The following PRKCH variants were observed in gnomAD, a reference collection of about 807,000 sequenced individuals.
PRKCH encodes the protein protein kinase C eta.
In PRKCH, 28 loss-of-function variants were observed where a neutral mutation model predicts 82.5. That is an observed-to-expected ratio of 0.34 (90% CI 0.25 to 0.47). The LOEUF (loss-of-function observed/expected upper bound fraction) is 0.47. PRKCH is among the 20% of genes least tolerant of loss of function. The pLI is 1.00. For synonymous variants in PRKCH, 322 were observed against 327.4 expected (o/e 0.98, Z 0.18); for missense variants, 705 against 881.8 (o/e 0.80, Z 2.54).
At chr14:61,303,174 C>G (rs2045460882) in intron 1 of PRKCH, 1 of 152,124 alleles carries the variant, frequency 6.6e-6, no homozygotes, top group South Asian at 2.1e-4. Context: ...CTACAGATGT[C>G]TATCACCATG....
chr14:61,495,682 T>C lies in PRKCH; in HGVS notation c.1433+10026T>C, dbSNP rs1020294267. Reference sequence around the variant, plus strand: ...TTCTTTCCGTTAACAAATAATTTTTTTGTTGTTGGGCACTCACTGTGTACC... The same window carrying C: ...TTCTTTCCGTTAACAAATAATTTTTCTGTTGTTGGGCACTCACTGTGTACC... On this transcript the variant is annotated intron_variant, in intron 10 of 13. Coordinates refer to ENST00000332981, the MANE Select transcript of PRKCH (RefSeq NM_006255.5). Among the ~76,000 whole-genome samples, 11 of 152,322 alleles carry C rather than the reference T, an allele frequency of 7.2e-5. No homozygotes were observed. The East Asian group carries it at 2.1e-3, about 29-fold the overall frequency.
At chr14:61,245,937 C>T (rs2044876031) in intron 1 of PRKCH, among the ~76,000 whole-genome samples, 1 of 152,104 alleles carries the variant, frequency 6.6e-6, no homozygotes, top group Non-Finnish European at 1.5e-5. Context: ...CTCAGTCATA[C>T]CCAAACATTA....
At chr14:61,468,522 G>A (rs529200433) in intron 9 of PRKCH, among the ~76,000 whole-genome samples, 4 of 152,182 alleles carry the variant, frequency 2.6e-5, no homozygotes, top group Admixed American at 6.5e-5. Context: ...TGTCCTCTCC[G>A]GCTACCAGGC....
At chr14:61,340,440 C>T (rs966314559) in intron 1 of PRKCH, among the ~76,000 whole-genome samples, 15 of 152,020 alleles carry the variant, frequency 9.9e-5, no homozygotes, top group East Asian at 1.9e-4. Context: ...TTTGTCATGG[C>T]GCATGGTCTC....
chr14:61,188,677 GACCTCCTCACCCCCAGACGTT>G (rs2044386883), intron 1 of PRKCH, among the ~76,000 whole-genome samples: 2 of 105,932 alleles, frequency 1.9e-5, no homozygotes, highest in African/African-American at 3.5e-5. Context: ...CTGCCTCTGG[GACCTCCTCACCCCCAGACGTT>G]GCTGTAGTGT....
At chr14:61,498,979 G>A (rs1314669781) in intron 10 of PRKCH, among the ~76,000 whole-genome samples, 1 of 152,134 alleles carries the variant, frequency 6.6e-6, no homozygotes, top group Admixed American at 6.5e-5. Context: ...CAGCCCTAAG[G>A]AAAACAGCTC....
chr14:61,330,138 G>A (rs1030334682), intron 1 of PRKCH, among the ~76,000 whole-genome samples: 1 of 152,168 alleles, frequency 6.6e-6, no homozygotes, highest in African/African-American at 2.4e-5. Flanking sequence ...GCAAACAAAA[G>A]CAACTAGGGA....
chr14:61,248,798 ATG>A lies in PRKCH; in HGVS notation c.-19+61142_-19+61143del, dbSNP rs1274097072. 1.6e-3 allele frequency among the ~76,000 whole-genome samples: 35 copies of A among 21,988 alleles called. No homozygotes were observed. In the East Asian group the frequency reaches 0.022, roughly 14 times the overall value. 14.4% of individuals were successfully genotyped at this position (21,988 alleles called of 152,430 possible). A position where few individuals can be genotyped will look rare whatever the true frequency, so the allele number is the denominator to read the frequency against. On this transcript the variant is annotated intron_variant, in intron 1 of 3. Coordinates refer to the PRKCH transcript ENST00000555185. ...TATGTATGTATGTATGTATGTATGT[ATG>A]TGTGTGTGTGTATGTATTTAGAGAC... is the stretch of plus-strand genomic sequence containing the variant.
chr14:61,535,166 A>G lies in PRKCH; in HGVS notation c.1761+4571A>G, dbSNP rs577389774. On this transcript the variant is annotated intron_variant, in intron 12 of 13. Coordinates refer to ENST00000332981, the MANE Select transcript of PRKCH (RefSeq NM_006255.5). Reference sequence around the variant, plus strand: ...TTATTTATATAATAGGCTTATATCAATGCATATGTGCATAGCAGGCATGGG... The same window carrying G: ...TTATTTATATAATAGGCTTATATCAGTGCATATGTGCATAGCAGGCATGGG... Among the ~76,000 whole-genome samples the G allele has an allele frequency of 3.3e-5, 5 of 152,362 alleles. No homozygotes were observed. The East Asian group carries it at 7.7e-4, about 23-fold the overall frequency.
chr14:61,322,485 C>A (rs201827885), intron 1 of PRKCH, 21 bp downstream of exon 1: 60 of 1,578,282 alleles, frequency 3.8e-5, no homozygotes, highest in Non-Finnish European at 5.0e-5. Flanking sequence ...GTGACCCCTT[C>A]CCTTTGTGTC....
At chr14:61,224,498 T>C (rs2044680796) in intron 1 of PRKCH, among the ~76,000 whole-genome samples, 1 of 152,228 alleles carries the variant, frequency 6.6e-6, no homozygotes, top group Non-Finnish European at 1.5e-5. Flanking sequence ...CTGTGACAGT[T>C]GCTCACATTT....
chr14:61,432,924 T>TGGG (rs55860426), intron 2 of PRKCH, among the ~76,000 whole-genome samples: 1 of 146,470 alleles, frequency 6.8e-6, no homozygotes, highest in African/African-American at 2.5e-5. Flanking sequence ...AAAAAAAAAG[T>TGGG]GGGGGGGATA....
intron 9 of PRKCH, among the ~76,000 whole-genome samples, chr14:61,475,009 A>G (rs930466323): frequency 1.3e-5 from 2 of 152,348 alleles, no homozygotes; most frequent in South Asian, 2.1e-4. Flanking sequence ...TGTCTAATCA[A>G]CTATAACCCA....
chr14:61,365,334 A>G (rs969636469), intron 1 of PRKCH, among the ~76,000 whole-genome samples: 25 of 152,078 alleles, frequency 1.6e-4, no homozygotes, highest in Admixed American at 1.6e-3. Context: ...TTTAAAGGAA[A>G]GTTTTGACAA....
At chr14:61,446,936 T>G (rs1884253595) in intron 4 of PRKCH, among the ~76,000 whole-genome samples, 2 of 152,256 alleles carry the variant, frequency 1.3e-5, no homozygotes, top group African/African-American at 2.4e-5. Context: ...GCCTGGATAT[T>G]TGATGGCCTG....
At chr14:61,434,102 A>G (rs1452844500) in intron 2 of PRKCH, among the ~76,000 whole-genome samples, 1 of 152,240 alleles carries the variant, frequency 6.6e-6, no homozygotes, top group African/African-American at 2.4e-5. Flanking sequence ...TATCAGGAGG[A>G]CAGAGGCTCA....
chr14:61,515,563 G>A (rs1054189662), intron 10 of PRKCH, among the ~76,000 whole-genome samples: 1 of 152,210 alleles, frequency 6.6e-6, no homozygotes, highest in Non-Finnish European at 1.5e-5. Context: ...GATGTCAATA[G>A]ACGACGGTGT....
intron 2 of PRKCH, among the ~76,000 whole-genome samples, chr14:61,411,426 G>C (rs1882263911): frequency 6.6e-6 from 1 of 152,068 alleles, no homozygotes; most frequent in African/African-American, 2.4e-5. Flanking sequence ...AAACCTATAG[G>C]GGGACTTTAC....
intron 2 of PRKCH, among the ~76,000 whole-genome samples, chr14:61,392,466 A>G (rs1027945142): frequency 6.6e-6 from 1 of 152,186 alleles, no homozygotes; most frequent in Admixed American, 6.5e-5. Context: ...GTATGAAATT[A>G]TATCCTGTGG....
Sources: allele counts gnomAD v4.1 joint callset (sites outside exome capture counted in the v4.1 genomes callset), GRCh38; gene constraint gnomAD v4.1.1; transcripts MANE v1.5; gene names NCBI Gene and HGNC (gene_info 2026-07-23, HGNC 2026-07-21).